Variants in ZC3H6 observed in about 807,000 individuals in gnomAD.
ZC3H6 encodes the protein zinc finger CCCH-type containing 6, also known as zinc finger CCCH domain-containing protein 6.
In ZC3H6, 40 loss-of-function variants were observed where a neutral mutation model predicts 107.7. The ratio of observed to expected loss-of-function variants is 0.37; its 90% confidence interval spans 0.29 to 0.48. ZC3H6 has a LOEUF of 0.48. ZC3H6 is among the 20% of genes least tolerant of loss of function. The pLI, the probability that ZC3H6 is intolerant of heterozygous loss-of-function variation, is 0.98. For synonymous variants in ZC3H6, 493 were observed against 487.9 expected (o/e 1.01, Z -0.14); for missense variants, 1,267 against 1,410.4 (o/e 0.90, Z 1.63).
At chr2:112,322,625 G>A (rs1676825158) in intron 8 of ZC3H6, 24 bp from the exon 9 acceptor site, 1 of 1,572,150 alleles carries the variant, frequency 6.4e-7, no homozygotes, top group Non-Finnish European at 8.6e-7. Flanking sequence ...CTTTGAAATA[G>A]TAATCTTTGC....
At chr2:112,298,546 A>G (rs1407835096) in intron 1 of ZC3H6, among the ~76,000 whole-genome samples, 1 of 152,278 alleles carries the variant, frequency 6.6e-6, no homozygotes, top group Non-Finnish European at 1.5e-5. Context: ...TCTGTAGACC[A>G]GAAATCTCAC....
At chr2:112,289,410 C>T (rs905566550) in intron 1 of ZC3H6, among the ~76,000 whole-genome samples, 55 of 151,608 alleles carry the variant, frequency 3.6e-4, no homozygotes, top group African/African-American at 1.3e-3. Context: ...CTACAAGCTC[C>T]GCCTCCTGGT....
chr2:112,309,778 TTTTCTCC>T, intron 3 of ZC3H6, 100 bp from the exon 4 acceptor site: 1 of 1,133,532 alleles, frequency 8.8e-7, no homozygotes. Context: ...AATAACTGTC[TTTTCTCC>T]TTTCTCCAAA....
In ZC3H6 at chr2:112,327,062, G is replaced by A. The variant is rs1024752189; in HGVS notation, c.2086+1865G>A. 2.0e-5 allele frequency among the ~76,000 whole-genome samples: 3 copies of A among 152,142 alleles called. No homozygotes were observed. In the East Asian group the frequency reaches 5.8e-4, roughly 29 times the overall value. On this transcript the variant is annotated intron_variant, in intron 11 of 11. Transcript: ENST00000409871. ...GGCAGTGGGATTGCTGGATCAGATG[G>A]TAACTTTATTTTTAGTTTTTTGAGG... is the stretch of plus-strand genomic sequence containing the variant.
rs766506965 is a variant in ZC3H6 at position 112,331,196 on chromosome 2, C to T, written c.2278C>T (p.Leu760Phe). 4 of 1,613,580 alleles carry T rather than the reference C, an allele frequency of 2.5e-6. No homozygotes were observed. The highest frequency in any genetic ancestry group is 4.5e-5 in the East Asian group (2 of 44,880). Residue 760 changes from leucine to phenylalanine, a missense_variant, in exon 12 of 12, where the codon CTT becomes TTT. Leu to Phe is a conservative substitution (Grantham distance 22). Transcript: ENST00000409871. ...AGGAAACCAAGTGGTTGACCCTAGG[C>T]TTAGGACTATCCCAAGGCAAGACAT... ...SKGNQVVDPR[L>F]RTIPRQDIRK...
intron 5 of ZC3H6, among the ~76,000 whole-genome samples, chr2:112,314,403 T>TA (rs1676652836): frequency 1.3e-5 from 2 of 152,200 alleles, no homozygotes; most frequent in Admixed American, 6.5e-5. Context: ...GACACTGACA[T>TA]ACTTTCTACT....
chr2:112,309,065 TAAATA>T (rs1347139405), intron 3 of ZC3H6, among the ~76,000 whole-genome samples: 6 of 152,030 alleles, frequency 3.9e-5, no homozygotes, highest in African/African-American at 9.6e-5. Flanking sequence ...AAGAAATAAA[TAAATA>T]AAATAAAATG....
intron 1 of ZC3H6, among the ~76,000 whole-genome samples, chr2:112,293,985 A>G (rs747901906): frequency 1.4e-4 from 22 of 152,180 alleles, no homozygotes; most frequent in Non-Finnish European, 2.6e-4. Context: ...GCCTACAGCT[A>G]CATCCTAAGG....
rs1036901266 is a variant in ZC3H6 at position 112,339,404 on chromosome 2, A to G, written c.*6916A>G. On this transcript the variant is annotated 3_prime_UTR_variant, in exon 12 of 12. Transcript: ENST00000409871. The stretch of plus-strand genomic sequence containing the variant: ...ACAATCAAAAAAGACTCATTTGTAT[A>G]CTTGCCAAAGTTTAAAAGTTTTTTA... 2.6e-5 allele frequency: 4 copies of G among 152,142 alleles called. No homozygotes were observed. Among genetic ancestry groups the G allele is most frequent in the African/African-American group, 7.2e-5 (3 of 41,422 alleles). 9.4% of individuals were successfully genotyped at this position (152,142 alleles called of 1,614,324 possible).
rs1251001606 is a variant in ZC3H6, at chr2:112,331,689, A to G, written c.2771A>G (p.Asn924Ser). ...LWNTKSDLHQ[N>S]TVSIDPKLAA... ...AATACAAAAAGTGATCTTCATCAAAATACAGTGTCCATTGATCCAAAATTA... is the reference window on the plus strand; with the variant it reads ...AATACAAAAAGTGATCTTCATCAAAGTACAGTGTCCATTGATCCAAAATTA... The change falls in exon 12 of 12, where the codon AAT becomes AGT. Residue 924 changes from asparagine to serine, a missense_variant. Physicochemically the swap from Asn to Ser is conservative, Grantham distance 46. Transcript: ENST00000409871. 1 of 1,613,834 alleles carries G rather than the reference A, an allele frequency of 6.2e-7. No individual in the cohort carries two copies. Among genetic ancestry groups the G allele is most frequent in the African/African-American group, 1.3e-5 (1 of 74,918 alleles).
In ZC3H6 at chr2:112,332,241, A is replaced by G. The variant is rs370186966; in HGVS notation, c.3323A>G (p.Glu1108Gly). The G allele has an allele frequency of 1.3e-5, 21 of 1,613,960 alleles. No individual in the cohort carries two copies. The highest frequency in any genetic ancestry group is 1.8e-5 in the Non-Finnish European group (21 of 1,179,864). Reference sequence around the variant, plus strand: ...AGTCCAAACGTGGGAGTCACTCTTGAGGGGCCAGCTGACCCACAGGCGGAC... The same window carrying G: ...AGTCCAAACGTGGGAGTCACTCTTGGGGGGCCAGCTGACCCACAGGCGGAC... ...KPSPNVGVTL[E>G]GPADPQADVP... The change falls in exon 12 of 12, where the codon GAG (glutamate) becomes GGG (glycine). Residue 1108 changes from glutamate to glycine, a missense_variant. Around this residue, in one of 3 missense-constraint regions of ZC3H6, gnomAD observed 925 missense variants for 1,025.7 expected, o/e 0.90. Transcript: ENST00000409871.
intron 3 of ZC3H6, among the ~76,000 whole-genome samples, chr2:112,307,438 G>A (rs368226125): frequency 6.6e-6 from 1 of 152,086 alleles, no homozygotes; most frequent in South Asian, 2.1e-4. Context: ...CAAATAATCA[G>A]TTGGCAAAGT....
chr2:112,276,094 C>G (rs1355804512), intron 1 of ZC3H6, 68 bp downstream of exon 1: 1 of 1,446,462 alleles, frequency 6.9e-7, no homozygotes, highest in South Asian at 1.3e-5. Flanking sequence ...GGGAGCGGGC[C>G]GGGGCCGGGC....
At chr2:112,310,240 C>G (rs1676570596) in intron 4 of ZC3H6, 79 bp downstream of exon 4, 2 of 1,374,622 alleles carry the variant, frequency 1.5e-6, no homozygotes, top group Non-Finnish European at 2.0e-6. Flanking sequence ...AACTTAGAAA[C>G]TTATCCCTGT....
At chr2:112,330,967 T>C in intron 11 of ZC3H6, 38 bp from the exon 12 acceptor site, 1 of 1,034,456 alleles carries the variant, frequency 9.7e-7, no homozygotes, top group Non-Finnish European at 1.3e-6. Context: ...TATAAGTTTA[T>C]AATATAAAGT....
Position 112,322,710 on chromosome 2 carries a change from A to G in ZC3H6, c.1148A>G (p.Lys383Arg). ...EDERELEELR[K>R]RGITPLPKPP... ...GAAAGAGAATTAGAGGAACTTAGAA[A>G]GCGTGGCATAACTCCTCTTCCCAAA... is the stretch of plus-strand genomic sequence containing the variant. Residue 383 changes from lysine (K) to arginine (R), a missense_variant, in exon 9 of 12, where the codon AAG becomes AGG. By Grantham distance (26) the Lys-to-Arg change is conservative (BLOSUM62 2). This residue lies in a region of ZC3H6 where 925 missense variants were observed against 1,025.7 expected (regional missense o/e 0.90). Coordinates refer to ENST00000409871, the MANE Select transcript of ZC3H6 (RefSeq NM_198581.3). 1 of 1,613,418 alleles carries G rather than the reference A, an allele frequency of 6.2e-7. No homozygotes were observed. Among genetic ancestry groups the G allele is most frequent in the Non-Finnish European group, 8.5e-7 (1 of 1,179,716 alleles).
chr2:112,276,094 CG>C, intron 1 of ZC3H6, 68 bp downstream of exon 1: 5 of 1,446,442 alleles, frequency 3.5e-6, no homozygotes, highest in South Asian at 1.3e-5. Flanking sequence ...GGGAGCGGGC[CG>C]GGGCCGGGCG....
At chr2:112,287,784 A>G (rs1389238152) in intron 1 of ZC3H6, among the ~76,000 whole-genome samples, 1 of 152,096 alleles carries the variant, frequency 6.6e-6, no homozygotes, top group Non-Finnish European at 1.5e-5. Flanking sequence ...TTGTATTTTT[A>G]GTAGAGACAG....
intron 5 of ZC3H6, among the ~76,000 whole-genome samples, chr2:112,315,899 GA>G (rs1676687345): frequency 6.6e-6 from 1 of 152,110 alleles, no homozygotes; most frequent in Admixed American, 6.5e-5. Context: ...CAGTTTTTAT[GA>G]TCCAAAGTTG....
Sources: allele counts gnomAD v4.1 joint callset (sites outside exome capture counted in the v4.1 genomes callset), GRCh38; gene constraint gnomAD v4.1.1; regional missense constraint gnomAD v4.1.1; transcripts MANE v1.5; gene names NCBI Gene and HGNC (gene_info 2026-07-23, HGNC 2026-07-21).